ITGA2: variants seen among roughly 807,000 people sequenced by gnomAD.
The protein encoded by ITGA2 is integrin alpha-2.
In ITGA2, 101 loss-of-function variants were observed where a neutral mutation model predicts 146.3. That is an observed-to-expected ratio of 0.69 (90% CI 0.59 to 0.81). ITGA2 has a LOEUF of 0.81. ITGA2 is among the 40% of genes least tolerant of loss of function. ITGA2 has a pLI of 0.00. For synonymous variants in ITGA2, 477 were observed against 487.1 expected (o/e 0.98, Z 0.27); for missense variants, 1,281 against 1,402.7 (o/e 0.91, Z 1.39).
chr5:53,093,980 GT>G lies in ITGA2; in HGVS notation c.*3382del, dbSNP rs1236865553. The G allele has an allele frequency of 3.2e-5, 2 of 62,790 alleles. No individual in the cohort carries two copies. The highest frequency in any genetic ancestry group is 2.6e-4 in the East Asian group (1 of 3,864). 3.9% of individuals were successfully genotyped at this position (62,790 alleles called of 1,614,324 possible). ...TAGTTACCTATTAAAACTGTGAAGA[GT>G]AAAACTAAAGCCAATTTATTATAGT... On this transcript the variant is annotated 3_prime_UTR_variant, in exon 30 of 30. Coordinates refer to ENST00000296585, the MANE Select transcript of ITGA2 (RefSeq NM_002203.4).
chr5:53,080,679 G>C, intron 25 of ITGA2, 58 bp downstream of exon 25: 1 of 1,198,294 alleles, frequency 8.3e-7, no homozygotes, highest in Non-Finnish European at 1.2e-6. Flanking sequence ...TAACCCATGA[G>C]ATTAGGGTGA....
Position 53,065,829 on chromosome 5 carries a change from C to T in ITGA2, c.1807-12C>T. ...TGTGTACTATAATTTCGTGTCAAAC[C>T]TGCTCTTTTAGAAAATCTTGGGATC... On this transcript the variant is annotated splice_polypyrimidine_tract_variant and intron_variant, in intron 14 of 29. Transcript: ENST00000296585. 3 of 1,611,654 alleles carry T rather than the reference C, an allele frequency of 1.9e-6. No individual in the cohort carries two copies. The highest frequency in any genetic ancestry group is 2.2e-5 in the East Asian group (1 of 44,734).
intron 26 of ITGA2, 56 bp downstream of exon 26, chr5:53,081,752 C>T: frequency 8.4e-7 from 1 of 1,185,490 alleles, no homozygotes; most frequent in Admixed American, 1.9e-5. Flanking sequence ...CACCTGTGAT[C>T]AGGACGCTGC....
At position 53,042,203 on chromosome 5, in the gene ITGA2, G is replaced by T. The variant is rs745483689; in HGVS notation, c.277G>T (p.Glu93Ter). 2 of 1,609,976 alleles carry T rather than the reference G, an allele frequency of 1.2e-6. No individual in the cohort carries two copies. Among genetic ancestry groups the T allele is most frequent in the East Asian group, 4.5e-5 (2 of 44,836 alleles). The change falls in exon 3 of 30, where the codon GAA becomes TAA. Residue 93 changes from glutamate to a stop codon, truncating the protein, a stop_gained. Coordinates refer to ENST00000296585, the MANE Select transcript of ITGA2 (RefSeq NM_002203.4). LOFTEE classifies it high-confidence loss of function. ...TGTTGACCTATCCACTGCCACATGTGAAAAACTAAATTTGCAAAGTAAGTT... is the reference window on the plus strand; with the variant it reads ...TGTTGACCTATCCACTGCCACATGTTAAAAACTAAATTTGCAAAGTAAGTT... ...CPVDLSTATC[E>*]KLNLQTSTSI...
chr5:53,007,904 A>C (rs1022511750), intron 1 of ITGA2, among the ~76,000 whole-genome samples: 4 of 152,210 alleles, frequency 2.6e-5, no homozygotes, highest in African/African-American at 9.7e-5. Flanking sequence ...AAACAAAATG[A>C]AAACAACTTT....
chr5:53,066,979 T>C (rs1294632287), intron 15 of ITGA2, 139 bp from the exon 16 acceptor site: 3 of 806,652 alleles, frequency 3.7e-6, no homozygotes, highest in Non-Finnish European at 6.0e-6. Flanking sequence ...CTTTCAAATA[T>C]ATACTACTGC....
chr5:53,015,132 T>G (rs747335615), intron 1 of ITGA2, among the ~76,000 whole-genome samples: 13 of 152,214 alleles, frequency 8.5e-5, no homozygotes, highest in Non-Finnish European at 1.9e-4. Flanking sequence ...TGTTGCTTTC[T>G]GCTAGCTTTG....
At chr5:53,083,612 G>A (rs554472090) in intron 27 of ITGA2, among the ~76,000 whole-genome samples, 159 bp downstream of exon 27, 4 of 152,260 alleles carry the variant, frequency 2.6e-5, no homozygotes, top group East Asian at 3.9e-4. Flanking sequence ...CACTTCCATC[G>A]CTTTCCAATG....
At chr5:53,033,855 C>G (rs1406926879) in intron 2 of ITGA2, among the ~76,000 whole-genome samples, 1 of 151,738 alleles carries the variant, frequency 6.6e-6, no homozygotes, top group East Asian at 1.9e-4. Context: ...GCTCCGCCTC[C>G]TGGGTTCATG....
At chr5:52,994,077 C>T (rs1433823098) in intron 1 of ITGA2, among the ~76,000 whole-genome samples, 4 of 152,144 alleles carry the variant, frequency 2.6e-5, no homozygotes, top group Non-Finnish European at 5.9e-5. Flanking sequence ...GATTCCTATG[C>T]CCCTTCAGGT....
intron 1 of ITGA2, among the ~76,000 whole-genome samples, chr5:53,007,134 G>A (rs1337125020): frequency 6.6e-6 from 1 of 152,146 alleles, no homozygotes. Context: ...TAATAAAATT[G>A]CTGTCATGTG....
chr5:53,055,422 A>C (rs1744581883), intron 7 of ITGA2, 116 bp from the exon 8 acceptor site: 1 of 849,894 alleles, frequency 1.2e-6, no homozygotes, highest in Non-Finnish European at 1.9e-6. Context: ...ATTAATATGG[A>C]GTTACAATAG....
At chr5:52,999,963 C>A (rs928117147) in intron 1 of ITGA2, among the ~76,000 whole-genome samples, 5 of 152,128 alleles carry the variant, frequency 3.3e-5, no homozygotes, top group Admixed American at 6.6e-5. Flanking sequence ...ATCACAAATC[C>A]ATTTCTCTAG....
chr5:53,049,564 C>T (rs954660294), intron 6 of ITGA2, among the ~76,000 whole-genome samples: 2 of 152,112 alleles, frequency 1.3e-5, no homozygotes, highest in Admixed American at 1.3e-4. Context: ...CTTTTGCCTA[C>T]AGAAAAGGTC....
At chr5:53,005,713 C>A (rs1741814062) in intron 1 of ITGA2, among the ~76,000 whole-genome samples, 1 of 151,964 alleles carries the variant, frequency 6.6e-6, no homozygotes, top group Admixed American at 6.6e-5. Context: ...TAAGTACTTA[C>A]CATTTGTTAG....
intron 28 of ITGA2, 25 bp from the exon 29 acceptor site, chr5:53,089,921 C>T (rs921351761): frequency 7.2e-7 from 1 of 1,386,686 alleles, no homozygotes; most frequent in Non-Finnish European, 1.0e-6. Flanking sequence ...ATTAAAATAA[C>T]TCAACTGTGA....
intron 23 of ITGA2, among the ~76,000 whole-genome samples, chr5:53,076,485 A>G (rs1341362581): frequency 6.6e-6 from 1 of 152,038 alleles, no homozygotes; most frequent in Non-Finnish European, 1.5e-5. Flanking sequence ...CAAATAATAC[A>G]TCTCTGAAAA....
At chr5:52,994,630 T>A (rs1377000042) in intron 1 of ITGA2, among the ~76,000 whole-genome samples, 2 of 152,218 alleles carry the variant, frequency 1.3e-5, no homozygotes, top group Non-Finnish European at 2.9e-5. Context: ...GCTAGTATAT[T>A]GGAGTTAGCC....
At position 53,026,886 on chromosome 5, in the gene ITGA2, T is replaced by C. The variant is rs775317501; in HGVS notation, c.185+18T>C. On this transcript the variant is annotated intron_variant, in intron 2 of 29. Coordinates refer to ENST00000296585, the MANE Select transcript of ITGA2 (RefSeq NM_002203.4). ...GGCAACTGGTAAGAATATTCTCTTC[T>C]TTATGATTTCAGTAAAAATACAAAA... The C allele has an allele frequency of 1.2e-6, 2 of 1,604,454 alleles. No homozygotes were observed. The highest frequency in any genetic ancestry group is 2.2e-5 in the South Asian group (2 of 90,730).
Sources: allele counts gnomAD v4.1 joint callset (sites outside exome capture counted in the v4.1 genomes callset), GRCh38; gene constraint gnomAD v4.1.1; transcripts MANE v1.5; gene names NCBI Gene and HGNC (gene_info 2026-07-23, HGNC 2026-07-21).